Variants in SEMA6B observed in about 807,000 individuals in gnomAD.
The protein encoded by SEMA6B is semaphorin 6B.
A neutral mutation model predicts 78.6 loss-of-function variants in SEMA6B; 47 were observed. The ratio of observed to expected loss-of-function variants is 0.60; its 90% confidence interval spans 0.47 to 0.76. The LOEUF (loss-of-function observed/expected upper bound fraction) is 0.76. Among genes scored for constraint, SEMA6B ranks in the 30% least tolerant of loss-of-function variants. The pLI, the probability that SEMA6B is intolerant of heterozygous loss-of-function variation, is 0.00. For missense variants in SEMA6B, 1,213 were observed against 1,269.9 expected (o/e 0.96, Z 0.68); for synonymous variants, 632 against 592.2 (o/e 1.07, Z -0.98).
chr19:4,555,478 G>T lies in SEMA6B; in HGVS notation c.558C>A (p.Phe186Leu). ...YDPKHANVAL[F>L]SDGMLFTATV... Reference sequence around the variant, plus strand: ...GGAGGTTGGGGGGGTACTTACCAGAGAAGAGGGCAACATTGGCGTGCTTGG... The same window carrying T: ...GGAGGTTGGGGGGGTACTTACCAGATAAGAGGGCAACATTGGCGTGCTTGG... Residue 186 changes from phenylalanine to leucine, a missense_variant, in exon 7 of 17, where the codon TTC becomes TTA. Physicochemically the swap from Phe to Leu is conservative, Grantham distance 22. Transcript: ENST00000586582. This position sits in a 1 kb window ranked among gnomAD's most constrained non-coding sequence, Gnocchi z 6.1. 1 of 1,611,984 alleles carries T rather than the reference G, an allele frequency of 6.2e-7. No individual in the cohort carries two copies. The highest frequency in any genetic ancestry group is 8.5e-7 in the Non-Finnish European group (1 of 1,179,064).
At position 4,550,628 on chromosome 19, in the gene SEMA6B, G is replaced by A. The variant is rs1282066476; in HGVS notation, c.1121+171C>T. Among the ~76,000 whole-genome samples the A allele has an allele frequency of 6.6e-6, 1 of 151,998 alleles. No homozygotes were observed. Among genetic ancestry groups the A allele is most frequent in the Admixed American group, 6.6e-5 (1 of 15,248 alleles). On this transcript the variant is annotated intron_variant, in intron 11 of 16. Coordinates refer to ENST00000586582, the MANE Select transcript of SEMA6B (RefSeq NM_032108.4). This position sits in a 1 kb window ranked among gnomAD's most constrained non-coding sequence, Gnocchi z 6.6. ...ATCTGCCCACCTCCGCCTCCCAAAGGGCTAGGATTACAGGCGTGAGCCACC... is the reference window on the plus strand; with the variant it reads ...ATCTGCCCACCTCCGCCTCCCAAAGAGCTAGGATTACAGGCGTGAGCCACC...
Position 4,550,221 on chromosome 19 carries a change from C to T in SEMA6B, c.1173G>A (p.Leu391=). 6.2e-7 allele frequency: 1 copy of T among 1,613,694 alleles called. No homozygotes were observed. Among genetic ancestry groups the T allele is most frequent in the Non-Finnish European group, 8.5e-7 (1 of 1,179,962 alleles). Residue 391 remains leucine, a synonymous_variant, in exon 12 of 17, where the codon TTG becomes TTA. Transcript: ENST00000586582. The surrounding 1 kb of genome is among the most constrained non-coding windows in gnomAD (Gnocchi z 6.6). ...TGACAAAGTTGAGGATGTCATCCGG[C>T]AAGGCGCTGGAGGCATTGTACTGCA... ...PGMQYNASSA[L]PDDILNFVKT...
intron 14 of SEMA6B, among the ~76,000 whole-genome samples, chr19:4,547,770 G>A (rs1188985936): frequency 7.1e-6 from 1 of 141,222 alleles, no homozygotes; most frequent in Non-Finnish European, 1.5e-5. Context: ...AAACTGCCTC[G>A]TCCTCTCCCA....
Position 4,555,030 on chromosome 19 carries a change from G to A in SEMA6B, c.628C>T (p.Leu210Phe), listed in dbSNP as rs746743828. 3 of 1,614,082 alleles carry A rather than the reference G, an allele frequency of 1.9e-6. No individual in the cohort carries two copies. The highest frequency in any genetic ancestry group is 2.5e-6 in the Non-Finnish European group (3 of 1,180,014). ...GTGCGCAGGGTGGGCCTGTCCCCGA[G>A]GCTGCGGTAGATGACAGCATCAATG... ...LAIDAVIYRS[L>F]GDRPTLRTVK... The change falls in exon 8 of 17, where the codon CTC (leucine) becomes TTC (phenylalanine). Residue 210 changes from leucine to phenylalanine, a missense_variant. Coordinates refer to ENST00000586582, the MANE Select transcript of SEMA6B (RefSeq NM_032108.4). This position sits in a 1 kb window ranked among gnomAD's most constrained non-coding sequence, Gnocchi z 6.1.
intron 14 of SEMA6B, among the ~76,000 whole-genome samples, chr19:4,547,727 C>T (rs151214142): frequency 1.5e-3 from 233 of 152,276 alleles, no homozygotes; most frequent in African/African-American, 5.4e-3. Context: ...GGTCAAAGCC[C>T]AAGTCCTCCC....
intron 10 of SEMA6B, among the ~76,000 whole-genome samples, chr19:4,551,553 C>T (rs1469389009): frequency 6.8e-6 from 1 of 147,990 alleles, no homozygotes; most frequent in Non-Finnish European, 1.5e-5. Flanking sequence ...AAACCTTGGC[C>T]GGGTGCGGTG....
At position 4,558,119 on chromosome 19, in the gene SEMA6B, C is replaced by G. The variant is rs751853150; in HGVS notation, c.152G>C (p.Ser51Thr). The G allele has an allele frequency of 5.3e-6, 8 of 1,522,026 alleles. No individual in the cohort carries two copies. Among genetic ancestry groups the G allele is most frequent in the Non-Finnish European group, 7.1e-6 (8 of 1,127,178 alleles). 94.3% of individuals were successfully genotyped at this position (1,522,026 alleles called of 1,614,324 possible). ...YLNHYPVFVG[S>T]GPGRLTPAEG... ...TGCGGGGGTCAGGCGTCCGGGCCCG[C>G]TGCCCACAAACACGGGATAGTGGTT... Residue 51 changes from serine (S) to threonine (T), a missense_variant, in exon 3 of 17, where the codon AGC (serine) becomes ACC (threonine). Ser to Thr is a moderately conservative substitution (Grantham distance 58). Coordinates refer to ENST00000586582, the MANE Select transcript of SEMA6B (RefSeq NM_032108.4). This position sits in a 1 kb window ranked among gnomAD's most constrained non-coding sequence, Gnocchi z 5.1.
chr19:4,543,712 G>C lies in SEMA6B; in HGVS notation c.2556C>G (p.Gly852=), dbSNP rs1568251303. Residue 852 remains glycine, a synonymous_variant, in exon 17 of 17, where the codon GGC becomes GGG. Transcript: ENST00000586582. ...GGTGGCGGTCCCCAGGCCGGGCCTCGCCGCTGTTGAACGTGTGGGTGCGGC... is the reference window on the plus strand; with the variant it reads ...GGTGGCGGTCCCCAGGCCGGGCCTCCCCGCTGTTGAACGTGTGGGTGCGGC... ...TLRRTHTFNS[G]EARPGDRHRG... The C allele has an allele frequency of 7.3e-6, 9 of 1,229,440 alleles. No individual in the cohort carries two copies. In the Admixed American group the frequency reaches 2.5e-4, roughly 35 times the overall value. The allele number at this position is 1,229,440 out of a possible 1,614,324, so 76.2% of individuals were successfully genotyped here.
intron 10 of SEMA6B, among the ~76,000 whole-genome samples, chr19:4,551,220 C>CTT (rs550058306): frequency 1.4e-4 from 19 of 132,972 alleles, no homozygotes; most frequent in East Asian, 4.3e-4. Context: ...CCCCAGCAGG[C>CTT]TTTTTTTTTT....
Position 4,557,211 on chromosome 19 carries a change from G to A in SEMA6B, c.258C>T (p.Tyr86=). The change falls in exon 4 of 17, where the codon TAC becomes TAT. Residue 86 remains tyrosine, a synonymous_variant. Transcript: ENST00000586582. ...ACGTGGGGGGCTCCAGCTCTACGCG[G>A]TAGAGGTTGTCCCTGGGGGAGGGGC... ...TLFIGDRDNL[Y]RVELEPPTST... 4 of 1,588,806 alleles carry A rather than the reference G, an allele frequency of 2.5e-6. No homozygotes were observed. Among genetic ancestry groups the A allele is most frequent in the Non-Finnish European group, 3.4e-6 (4 of 1,167,696 alleles).
chr19:4,551,659 G>A (rs1222292827), intron 10 of SEMA6B, among the ~76,000 whole-genome samples: 6 of 151,524 alleles, frequency 4.0e-5, no homozygotes, highest in Admixed American at 1.3e-4. Context: ...GAGAAACCCC[G>A]TCTCTACTAA....
rs148862537 is a variant in SEMA6B, at chr19:4,548,385, A to G, written c.1332T>C (p.Val444=). ...TCCCCGCCTCAGAACCCAGGAAGAC[A>G]ACGGTCTGGTTGCCCCAGGGGCCGG... ...VGAGPWGNQT[V]VFLGSEAGTV... is the part of the protein sequence containing the mutation. The change falls in exon 13 of 17, where the codon GTT becomes GTC. Residue 444 remains valine (V), a synonymous_variant. Coordinates refer to ENST00000586582, the MANE Select transcript of SEMA6B (RefSeq NM_032108.4). 214 of 1,613,672 alleles carry G rather than the reference A, an allele frequency of 1.3e-4. No individual in the cohort carries two copies. Among genetic ancestry groups the G allele is most frequent in the Middle Eastern group, 1.6e-4 (1 of 6,084 alleles).
intron 12 of SEMA6B, 148 bp downstream of exon 12, chr19:4,549,975 A>G: frequency 1.4e-6 from 1 of 728,618 alleles, no homozygotes; most frequent in South Asian, 1.9e-5. Context: ...GTGTCTCTCC[A>G]TCTTTCCCTC....
chr19:4,554,524 G>A (rs1432223179), intron 8 of SEMA6B, 48 bp from the exon 9 acceptor site: 4 of 1,448,806 alleles, frequency 2.8e-6, no homozygotes, highest in African/African-American at 1.4e-5. Flanking sequence ...TGACAAAGGG[G>A]GTTTCTGGGG....
Position 4,552,689 on chromosome 19 carries a change from G to A in SEMA6B, c.772-50C>T. The A allele has an allele frequency of 2.6e-6, 4 of 1,531,356 alleles. No individual in the cohort carries two copies. The highest frequency in any genetic ancestry group is 3.5e-6 in the Non-Finnish European group (4 of 1,128,590). The allele number at this position is 1,531,356 out of a possible 1,614,324, so 94.9% of individuals were successfully genotyped here. A position where few individuals can be genotyped will look rare whatever the true frequency, so the allele number is the denominator to read the frequency against. ...GGGCCTGAGCTCTGTGTCCCAGGAAGGCCTGTTCACAGGCTGTGCCACTCA... is the reference window on the plus strand; with the variant it reads ...GGGCCTGAGCTCTGTGTCCCAGGAAAGCCTGTTCACAGGCTGTGCCACTCA... On this transcript the variant is annotated intron_variant, in intron 9 of 16. Transcript: ENST00000586582. This position sits in a 1 kb window ranked among gnomAD's most constrained non-coding sequence, Gnocchi z 7.4.
rs1404737774 is a variant in SEMA6B at position 4,543,762 on chromosome 19, G to T, written c.2506C>A (p.His836Asn). The T allele has an allele frequency of 1.6e-6, 2 of 1,225,296 alleles. No homozygotes were observed. Among genetic ancestry groups the T allele is most frequent in the Non-Finnish European group, 2.0e-6 (2 of 983,918 alleles). The allele number at this position is 1,225,296 out of a possible 1,614,324, so 75.9% of individuals were successfully genotyped here. A position where few individuals can be genotyped will look rare whatever the true frequency, so the allele number is the denominator to read the frequency against. ...CGCAGGGTGGCGGCCGGAGGGGCGT[G>T]GGGGCCCAGTGGCCTCCTCAGGCTG... is the stretch of plus-strand genomic sequence containing the variant. ...TGSLRRPLGPHAPPAATLRRT... is the reference protein window; with the variant it reads ...TGSLRRPLGPNAPPAATLRRT... Residue 836 changes from histidine to asparagine, a missense_variant, in exon 17 of 17, where the codon CAC (histidine) becomes AAC (asparagine). Transcript: ENST00000586582.
rs73527729 is a variant in SEMA6B, at chr19:4,556,039, C to T, written c.420G>A (p.Thr140=). ...VKVLLLRDES[T]LFVCGSNAFN... Reference sequence around the variant, plus strand: ...AGGCGTTGGAACCGCACACAAAGAGCGTGGACTCGTCCCGAAGGAGCAGCA... The same window carrying T: ...AGGCGTTGGAACCGCACACAAAGAGTGTGGACTCGTCCCGAAGGAGCAGCA... Residue 140 remains threonine, a synonymous_variant, in exon 6 of 17, where the codon ACG becomes ACA. Coordinates refer to ENST00000586582, the MANE Select transcript of SEMA6B (RefSeq NM_032108.4). 1 of 1,614,024 alleles carries T rather than the reference C, an allele frequency of 6.2e-7. No homozygotes were observed. Among genetic ancestry groups the T allele is most frequent in the Non-Finnish European group, 8.5e-7 (1 of 1,180,032 alleles).
In SEMA6B at chr19:4,544,687, G is replaced by T. The variant is rs961297008; in HGVS notation, c.1739-158C>A. ...GTCTTCCTTTGTGTGCCAGGCTGGA[G>T]TGCAGTGGGGCGATCTCGATTCACT... On this transcript the variant is annotated intron_variant, in intron 16 of 16. Transcript: ENST00000586582. This position sits in a 1 kb window ranked among gnomAD's most constrained non-coding sequence, Gnocchi z 5.1. Among the ~76,000 whole-genome samples, 2 of 152,026 alleles carry T rather than the reference G, an allele frequency of 1.3e-5. No homozygotes were observed. The highest frequency in any genetic ancestry group is 1.3e-4 in the Admixed American group (2 of 15,262).
rs1197782978 is a variant in SEMA6B, at chr19:4,555,339, T to C, written c.562+135A>G. ...TCCCAGCTGAGCCCCAAACCTGGGC[T>C]GAGAGTCTGCCCATGTCACAGCTGG... is the stretch of plus-strand genomic sequence containing the variant. On this transcript the variant is annotated intron_variant, in intron 7 of 16. Transcript: ENST00000586582. This position sits in a 1 kb window ranked among gnomAD's most constrained non-coding sequence, Gnocchi z 6.1. The C allele has an allele frequency of 2.3e-6, 2 of 865,926 alleles. No homozygotes were observed. The highest frequency in any genetic ancestry group is 3.5e-6 in the Non-Finnish European group (2 of 563,902). 53.6% of individuals were successfully genotyped at this position (865,926 alleles called of 1,614,324 possible). A position where few individuals can be genotyped will look rare whatever the true frequency, so the allele number is the denominator to read the frequency against.
Sources: allele counts gnomAD v4.1 joint callset (sites outside exome capture counted in the v4.1 genomes callset), GRCh38; gene constraint gnomAD v4.1.1; non-coding constraint Gnocchi (gnomAD v3.1); transcripts MANE v1.5; gene names NCBI Gene and HGNC (gene_info 2026-07-23, HGNC 2026-07-21).